The following CRYBG3 variants were observed in gnomAD, a reference collection of about 807,000 sequenced individuals.
The protein encoded by CRYBG3 is crystallin beta-gamma domain containing 3, also known as very large A-kinase anchor protein.
A neutral mutation model predicts 244.2 loss-of-function variants in CRYBG3; 127 were observed. The ratio of observed to expected loss-of-function variants is 0.52; its 90% CI spans 0.45 to 0.60. The LOEUF is 0.60. CRYBG3 is among the 20% of genes least tolerant of loss of function. The pLI is 0.00. For synonymous variants in CRYBG3, 1,132 were observed against 1,195.8 expected, an observed-to-expected ratio of 0.95 and a Z score of 1.10; for missense variants, 3,325 against 3,442.5, an observed-to-expected ratio of 0.97 and a Z score of 0.85.
chr3:97,873,988 C>T lies in CRYBG3; in HGVS notation c.2794C>T (p.Pro932Ser), dbSNP rs1192242842. 4.6e-6 allele frequency: 7 copies of T among 1,534,278 alleles called. No homozygotes were observed. In the East Asian group the frequency reaches 1.7e-4, roughly 38 times the overall value. The change falls in exon 4 of 22, where the codon CCT becomes TCT. Residue 932 changes from proline to serine, a missense_variant. By Grantham distance (74) the Pro-to-Ser change is moderately conservative. This residue lies in a region of CRYBG3 where 1,526 missense variants were observed against 1,443.2 expected (regional missense o/e 1.06). Transcript: ENST00000389622. ...PEPEVDALGS[P>S]PALLKSNISW... ...ACCAGAGGTAGATGCCTTAGGCTCT[C>T]CTCCTGCTCTTCTTAAAAGTAATAT...
chr3:97,937,829 T>C (rs551620808), intron 19 of CRYBG3, among the ~76,000 whole-genome samples: 2 of 152,224 alleles, frequency 1.3e-5, no homozygotes, highest in South Asian at 4.1e-4. Flanking sequence ...AATGATATTA[T>C]GCAAAGTATA....
Position 97,886,616 on chromosome 3 carries a change from A to ATTT in CRYBG3, c.7153-6_7153-4dup. ...CTCTAGTTGATTTCAAAGCCAAATT[A>ATTT]TTTTTTTTTTTCAGGACTGCAGCAT... On this transcript the variant is annotated splice_polypyrimidine_tract_variant and intron_variant, in intron 7 of 21. Transcript: ENST00000389622. The ATTT allele has an allele frequency of 3.3e-6, 4 of 1,201,980 alleles. No individual in the cohort carries two copies. The highest frequency in any genetic ancestry group is 1.5e-5 in the South Asian group (1 of 64,966). 74.5% of individuals were successfully genotyped at this position (1,201,980 alleles called of 1,614,324 possible). A position where few individuals can be genotyped will look rare whatever the true frequency, so the allele number is the denominator to read the frequency against.
Position 97,943,317 on chromosome 3 carries a change from GA to G in CRYBG3, c.*5del, listed in dbSNP as rs771696061. On this transcript the variant is annotated 3_prime_UTR_variant, in exon 22 of 22. Coordinates refer to ENST00000389622, the MANE Select transcript of CRYBG3 (RefSeq NM_153605.4). Reference sequence around the variant, plus strand: ...AATGGGACATTGAAATATTGTGAGAGAATCAACATCCCTAGAAAGATCCCTA... The same window carrying G: ...AATGGGACATTGAAATATTGTGAGAGATCAACATCCCTAGAAAGATCCCTA... The G allele has an allele frequency of 2.0e-6, 3 of 1,499,902 alleles. No individual in the cohort carries two copies. In the African/African-American group the frequency reaches 4.2e-5, roughly 21 times the overall value. The allele number at this position is 1,499,902 out of a possible 1,614,324, so 92.9% of individuals were successfully genotyped here.
At chr3:97,855,011 T>C (rs1284216064) in intron 2 of CRYBG3, among the ~76,000 whole-genome samples, 7 of 152,268 alleles carry the variant, frequency 4.6e-5, no homozygotes, top group East Asian at 3.9e-4. Context: ...CTTTATTTCA[T>C]TGAGGTACAT....
rs774020761 is a variant in CRYBG3, at chr3:97,886,622, T to C, written c.7153-9T>C. Reference sequence around the variant, plus strand: ...TTGATTTCAAAGCCAAATTATTTTTTTTTTTCAGGACTGCAGCATTCCAGA... The same window carrying C: ...TTGATTTCAAAGCCAAATTATTTTTCTTTTTCAGGACTGCAGCATTCCAGA... On this transcript the variant is annotated splice_polypyrimidine_tract_variant and intron_variant, in intron 7 of 21. Transcript: ENST00000389622. 1 of 1,590,958 alleles carries C rather than the reference T, an allele frequency of 6.3e-7. No individual in the cohort carries two copies. Among genetic ancestry groups the C allele is most frequent in the South Asian group, 1.2e-5 (1 of 86,388 alleles).
In CRYBG3 at chr3:97,869,215, C is replaced by CCATT. The variant is rs577124851; in HGVS notation, c.648-2604_648-2601dup. Among the ~76,000 whole-genome samples, 639 of 151,878 alleles carry CCATT rather than the reference C, an allele frequency of 4.2e-3. 2 individuals are homozygous for CCATT. Among genetic ancestry groups the CCATT allele is most frequent in the East Asian group, 0.017 (86 of 5,178 alleles). ...TTGTTTTGTTTTATTTTTATATTCGCCATTCATTCATTCATTCATTCATTC... is the reference window on the plus strand; with the variant it reads ...TTGTTTTGTTTTATTTTTATATTCGCCATTCATTCATTCATTCATTCATTCATTC... On this transcript the variant is annotated intron_variant, in intron 3 of 21. Transcript: ENST00000389622.
chr3:97,881,113 G>C lies in CRYBG3; in HGVS notation c.7046G>C (p.Cys2349Ser). The C allele has an allele frequency of 6.2e-7, 1 of 1,608,318 alleles. No individual in the cohort carries two copies. Among genetic ancestry groups the C allele is most frequent in the Non-Finnish European group, 8.5e-7 (1 of 1,177,674 alleles). ...AAACCACATTTCCGAGGTCAGAAAT[G>C]TGTGCTAGAAGAAGGGGAAAAGGTG... Reference protein sequence around the residue: ...YEKPHFRGQKCVLEEGEKVLN... With the variant: ...YEKPHFRGQKSVLEEGEKVLN... The change falls in exon 7 of 22, where the codon TGT (cysteine) becomes TCT (serine). Residue 2349 changes from cysteine (C) to serine (S), a missense_variant. This residue lies in a region of CRYBG3 where 714 missense variants were observed against 803.6 expected (regional missense o/e 0.89). Coordinates refer to ENST00000389622, the MANE Select transcript of CRYBG3 (RefSeq NM_153605.4).
At chr3:97,836,326 C>CT (rs1450157656) in intron 1 of CRYBG3, among the ~76,000 whole-genome samples, 1 of 151,930 alleles carries the variant, frequency 6.6e-6, no homozygotes, top group East Asian at 1.9e-4. Flanking sequence ...TTTTAGTTAC[C>CT]TTTTAATTTG....
chr3:97,833,927 G>A (rs1446892324), intron 1 of CRYBG3, among the ~76,000 whole-genome samples: 1 of 152,094 alleles, frequency 6.6e-6, no homozygotes, highest in Non-Finnish European at 1.5e-5. Context: ...GAAGGTACAG[G>A]AATCACTTGG....
At chr3:97,931,510 T>C (rs2040096485) in intron 17 of CRYBG3, among the ~76,000 whole-genome samples, 1 of 152,088 alleles carries the variant, frequency 6.6e-6, no homozygotes, top group African/African-American at 2.4e-5. Context: ...CTCTAGTTAT[T>C]ACCCAGATTC....
chr3:97,869,376 T>C (rs1351947949), intron 3 of CRYBG3, among the ~76,000 whole-genome samples: 1 of 152,154 alleles, frequency 6.6e-6, no homozygotes, highest in African/African-American at 2.4e-5. Flanking sequence ...AAATGTTTGG[T>C]ACAAAACATT....
rs1330199642 is a variant in CRYBG3 at position 97,944,719 on chromosome 3, G to A, written c.*1405G>A. 6.6e-6 allele frequency: 1 copy of A among 152,216 alleles called. No individual in the cohort carries two copies. Among genetic ancestry groups the A allele is most frequent in the African/African-American group, 2.4e-5 (1 of 41,338 alleles). The allele number at this position is 152,216 out of a possible 1,614,324, so 9.4% of individuals were successfully genotyped here. On this transcript the variant is annotated 3_prime_UTR_variant, in exon 22 of 22. Coordinates refer to ENST00000389622, the MANE Select transcript of CRYBG3 (RefSeq NM_153605.4). The stretch of plus-strand genomic sequence containing the variant: ...ATTATTTAATAAAATTTATGTTACA[G>A]GATAACTTTATTTTAATGGGCATGG...
At chr3:97,864,745 G>C (rs956212640) in intron 3 of CRYBG3, 98 bp downstream of exon 3, 21 of 814,342 alleles carry the variant, frequency 2.6e-5, no homozygotes, top group Non-Finnish European at 3.8e-5. Context: ...GATTGGAAAA[G>C]ATATTCTGTA....
At chr3:97,860,889 C>T (rs2039136284) in intron 2 of CRYBG3, among the ~76,000 whole-genome samples, 1 of 151,990 alleles carries the variant, frequency 6.6e-6, no homozygotes, top group South Asian at 2.1e-4. Flanking sequence ...AAACTACATT[C>T]TTAAATTGTG....
At chr3:97,895,446 T>C (rs1335696506) in intron 11 of CRYBG3, among the ~76,000 whole-genome samples, 2 of 152,200 alleles carry the variant, frequency 1.3e-5, no homozygotes, top group Non-Finnish European at 2.9e-5. Flanking sequence ...ATTTCTTGGT[T>C]CCTCTTTGAT....
chr3:97,846,563 T>G (rs2038905231), intron 2 of CRYBG3, among the ~76,000 whole-genome samples: 1 of 152,200 alleles, frequency 6.6e-6, no homozygotes, highest in African/African-American at 2.4e-5. Flanking sequence ...TTATTTTTTC[T>G]TGGGAGTGTT....
chr3:97,877,805 C>T lies in CRYBG3; in HGVS notation c.6611C>T (p.Thr2204Ile). The T allele has an allele frequency of 6.2e-7, 1 of 1,614,076 alleles. No individual in the cohort carries two copies. Among genetic ancestry groups the T allele is most frequent in the Middle Eastern group, 1.6e-4 (1 of 6,062 alleles). ...KNSYVMPNEP[T>I]TSNLQVGLWP... ...TCATATGTGATGCCAAATGAACCTA[C>T]TACCTCCAATCTGCAAGTTGGTCTG... Residue 2204 changes from threonine (T) to isoleucine (I), a missense_variant, in exon 4 of 22, where the codon ACT (threonine) becomes ATT (isoleucine). Coordinates refer to ENST00000389622, the MANE Select transcript of CRYBG3 (RefSeq NM_153605.4).
chr3:97,870,287 C>T (rs2039286461), intron 3 of CRYBG3, among the ~76,000 whole-genome samples: 1 of 152,128 alleles, frequency 6.6e-6, no homozygotes, highest in African/African-American at 2.4e-5. Context: ...AGTCCTCACC[C>T]TCTTCCCATC....
At chr3:97,923,246 G>A (rs2040002398) in intron 17 of CRYBG3, among the ~76,000 whole-genome samples, 2 of 152,036 alleles carry the variant, frequency 1.3e-5, no homozygotes, top group Non-Finnish European at 2.9e-5. Flanking sequence ...TAAATGACAA[G>A]TTAATGGGTG....
Sources: gnomAD v4.1 joint callset for allele counts (sites outside exome capture counted in the v4.1 genomes callset) on GRCh38, gnomAD v4.1.1 for gene constraint, gnomAD v4.1.1 regional missense constraint, MANE v1.5 for transcripts, NCBI Gene and HGNC (gene_info 2026-07-23, HGNC 2026-07-21) for gene names.